The following SDC2 variants were observed in gnomAD, a reference collection of about 807,000 sequenced individuals.
SDC2 encodes the protein syndecan 2.
SDC2 carries 13 observed loss-of-function variants against 22.2 expected under a neutral mutation model. That is an observed-to-expected ratio of 0.59 (90% CI 0.38 to 0.93). SDC2 has a LOEUF of 0.93. Among genes scored for constraint, SDC2 ranks in the 40% least tolerant of loss-of-function variants. The pLI, the probability that SDC2 is intolerant of heterozygous loss-of-function variation, is 0.00. For synonymous variants in SDC2, 94 were observed against 92.8 expected (o/e 1.01, Z -0.07); for missense variants, 235 against 246.8 (o/e 0.95, Z 0.32).
chr8:96,511,291 A>T (rs2130440986), intron 1 of SDC2, among the ~76,000 whole-genome samples: 1 of 152,184 alleles, frequency 6.6e-6, no homozygotes, highest in South Asian at 2.1e-4. Flanking sequence ...TTCAGTCAGG[A>T]TTAGAGGCTG....
chr8:96,512,971 G>T (rs1813350571), intron 1 of SDC2, among the ~76,000 whole-genome samples: 1 of 151,740 alleles, frequency 6.6e-6, no homozygotes, highest in Non-Finnish European at 1.5e-5. Context: ...CCTTCTCAAG[G>T]TTTTGTTTTC....
chr8:96,570,532 A>AG (rs962660793), intron 1 of SDC2, among the ~76,000 whole-genome samples: 1 of 152,224 alleles, frequency 6.6e-6, no homozygotes, highest in Non-Finnish European at 1.5e-5. Flanking sequence ...AAAGAAAAAA[A>AG]TAATTTCGGC....
At chr8:96,533,355 G>T (rs998513800) in intron 1 of SDC2, among the ~76,000 whole-genome samples, 1 of 152,176 alleles carries the variant, frequency 6.6e-6, no homozygotes, top group Non-Finnish European at 1.5e-5. Flanking sequence ...TTTATAGAGA[G>T]CTGATTGGTC....
chr8:96,498,828 A>C (rs1813116068), intron 1 of SDC2, among the ~76,000 whole-genome samples: 1 of 152,234 alleles, frequency 6.6e-6, no homozygotes. Flanking sequence ...GATGGGACAG[A>C]AAATTTCAAA....
intron 2 of SDC2, among the ~76,000 whole-genome samples, chr8:96,600,711 C>A (rs1814967014): frequency 6.6e-6 from 1 of 152,112 alleles, no homozygotes; most frequent in Non-Finnish European, 1.5e-5. Flanking sequence ...AGTCAGAGTT[C>A]TGGTGTGTAG....
intron 1 of SDC2, among the ~76,000 whole-genome samples, chr8:96,508,303 A>G (rs1319202465): frequency 3.5e-5 from 1 of 28,278 alleles, no homozygotes; most frequent in African/African-American, 1.6e-4. Context: ...CTCAAATAAT[A>G]ATAATAATAA....
intron 1 of SDC2, among the ~76,000 whole-genome samples, chr8:96,525,176 G>A (rs10504963): frequency 0.023 from 3,493 of 152,236 alleles, 132 homozygotes; most frequent in African/African-American, 0.08. Flanking sequence ...AAGGCTGTCC[G>A]TTCCCACTCT....
At chr8:96,523,219 A>G (rs1813524469) in intron 1 of SDC2, among the ~76,000 whole-genome samples, 1 of 152,180 alleles carries the variant, frequency 6.6e-6, no homozygotes, top group African/African-American at 2.4e-5. Flanking sequence ...ACTGTTCAGC[A>G]CTGTCATTCT....
At chr8:96,586,695 C>A (rs1419463931) in intron 1 of SDC2, among the ~76,000 whole-genome samples, 1 of 152,220 alleles carries the variant, frequency 6.6e-6, no homozygotes, top group South Asian at 2.1e-4. Context: ...GCCCAGTCAT[C>A]CTTGTGCCTC....
chr8:96,576,416 C>CTTT (rs71267268), intron 1 of SDC2, among the ~76,000 whole-genome samples: 6 of 13,808 alleles, frequency 4.3e-4, no homozygotes, highest in East Asian at 7.6e-4. Context: ...TTATTATTCT[C>CTTT]TTTTTTTTTT....
intron 1 of SDC2, among the ~76,000 whole-genome samples, chr8:96,494,779 C>A (rs1046335207): frequency 6.6e-6 from 1 of 152,144 alleles, no homozygotes; most frequent in African/African-American, 2.4e-5. Context: ...GCACACCATC[C>A]CCCCCGCGCC....
At chr8:96,550,349 A>G (rs1350904995) in intron 1 of SDC2, among the ~76,000 whole-genome samples, 1 of 152,174 alleles carries the variant, frequency 6.6e-6, no homozygotes, top group African/African-American at 2.4e-5. Context: ...TCAGCTGGTG[A>G]GGATAATGCA....
At chr8:96,532,292 C>T (rs1274292400) in intron 1 of SDC2, among the ~76,000 whole-genome samples, 1 of 152,088 alleles carries the variant, frequency 6.6e-6, no homozygotes, top group African/African-American at 2.4e-5. Flanking sequence ...AAACAAGACC[C>T]ACCCTGCTTT....
rs113504267 is a variant in SDC2, at chr8:96,505,972, A to C, written c.60+11641A>C. 2.7e-3 allele frequency among the ~76,000 whole-genome samples: 405 copies of C among 152,358 alleles called. 3 individuals carry two copies. The highest frequency in any genetic ancestry group is 4.4e-3 in the Admixed American group (68 of 15,306). ...AATATGTGTTATATGTAAAATATGCATCAGTTTATGTTGAATCTAGTTCGG... is the reference window on the plus strand; with the variant it reads ...AATATGTGTTATATGTAAAATATGCCTCAGTTTATGTTGAATCTAGTTCGG... On this transcript the variant is annotated intron_variant, in intron 1 of 4. Transcript: ENST00000302190.
At chr8:96,533,913 A>G (rs1488637784) in intron 1 of SDC2, among the ~76,000 whole-genome samples, 3 of 152,038 alleles carry the variant, frequency 2.0e-5, no homozygotes, top group Non-Finnish European at 4.4e-5. Flanking sequence ...CTCGTTGGGG[A>G]GGCTTGGGCA....
At chr8:96,608,242 G>A in intron 3 of SDC2, 93 bp from the exon 4 acceptor site, 2 of 1,233,978 alleles carry the variant, frequency 1.6e-6, no homozygotes, top group Non-Finnish European at 2.2e-6. Flanking sequence ...TTCTTTGGGG[G>A]AAAAAAAAAT....
intron 1 of SDC2, among the ~76,000 whole-genome samples, chr8:96,581,840 A>G (rs1184733111): frequency 6.6e-6 from 1 of 152,132 alleles, no homozygotes; most frequent in Non-Finnish European, 1.5e-5. Flanking sequence ...AAAAAAAATT[A>G]CTGTCCACAG....
In SDC2 at chr8:96,524,169, C is replaced by T. The variant is rs924003705; in HGVS notation, c.60+29838C>T. Among the ~76,000 whole-genome samples, 8 of 152,202 alleles carry T rather than the reference C, an allele frequency of 5.3e-5. No individual in the cohort carries two copies. In the South Asian group the frequency reaches 8.3e-4, roughly 16 times the overall value. On this transcript the variant is annotated intron_variant, in intron 1 of 4. Transcript: ENST00000302190. ...CCCGAAGTGAATCCAGGTGCCTGCA[C>T]GGTGCTGACTTTTCCTGGAGTGAGA... is the stretch of plus-strand genomic sequence containing the variant.
chr8:96,514,432 C>G (rs1171581980), intron 1 of SDC2, among the ~76,000 whole-genome samples: 1 of 152,196 alleles, frequency 6.6e-6, no homozygotes, highest in Non-Finnish European at 1.5e-5. Context: ...ATTCACTTAT[C>G]CGCACTTTGA....
Sources: gnomAD v4.1 joint callset for allele counts (sites outside exome capture counted in the v4.1 genomes callset) on GRCh38, gnomAD v4.1.1 for gene constraint, MANE v1.5 for transcripts, NCBI Gene and HGNC (gene_info 2026-07-23, HGNC 2026-07-21) for gene names.